NOSTRIN: variants seen among roughly 807,000 people sequenced by gnomAD.
NOSTRIN encodes the protein BM247 homolog.
Under a neutral mutation model 59.0 loss-of-function variants are expected in NOSTRIN, and 63 were observed. That is an observed-to-expected ratio of 1.07 (90% CI 0.87 to 1.32). The LOEUF is 1.32. Among genes scored for constraint, NOSTRIN ranks in the 40% most tolerant of loss-of-function variants. NOSTRIN has a pLI of 0.00. For synonymous variants in NOSTRIN, 200 were observed against 165.4 expected (o/e 1.21, Z -1.61); for missense variants, 512 against 473.1 (o/e 1.08, Z -0.76).
intron 13 of NOSTRIN, among the ~76,000 whole-genome samples, chr2:168,859,878 TTC>T (rs1439704120): frequency 6.6e-6 from 1 of 152,254 alleles, no homozygotes; most frequent in East Asian, 1.9e-4. Flanking sequence ...TTTTGATTTC[TTC>T]TTTCTCATCA....
intron 12 of NOSTRIN, among the ~76,000 whole-genome samples, chr2:168,856,998 GT>G (rs1375365043): frequency 6.6e-6 from 1 of 152,124 alleles, no homozygotes; most frequent in East Asian, 1.9e-4. Flanking sequence ...GAAAAGAATT[GT>G]GTCTAAAATA....
At chr2:168,832,689 A>G (rs2105658282) in intron 6 of NOSTRIN, among the ~76,000 whole-genome samples, 1 of 152,372 alleles carries the variant, frequency 6.6e-6, no homozygotes, top group Non-Finnish European at 1.5e-5. Flanking sequence ...CATGAGAATC[A>G]CTTTTATAAA....
chr2:168,842,743 T>C (rs553477268), intron 7 of NOSTRIN, among the ~76,000 whole-genome samples: 4 of 152,332 alleles, frequency 2.6e-5, no homozygotes, highest in Admixed American at 2.0e-4. Flanking sequence ...ACTTCCTATT[T>C]AAGGGTCTCA....
At chr2:168,793,727 C>T (rs1685414643), upstream of NOSTRIN, among the ~76,000 whole-genome samples, 1 of 152,224 alleles carries the variant, frequency 6.6e-6, no homozygotes, top group South Asian at 2.1e-4. Context: ...AAACATGGCA[C>T]TGGAGTCATC....
Position 168,828,217 on chromosome 2 carries a change from A to G in NOSTRIN, c.257A>G (p.His86Arg), listed in dbSNP as rs1559118036. 1.1e-6 allele frequency: 1 copy of G among 872,996 alleles called. No individual in the cohort carries two copies. The highest frequency in any genetic ancestry group is 2.0e-6 in the Non-Finnish European group (1 of 501,682). 54.1% of individuals were successfully genotyped at this position (872,996 alleles called of 1,614,324 possible). A position where few individuals can be genotyped will look rare whatever the true frequency, so the allele number is the denominator to read the frequency against. Residue 86 changes from histidine to arginine, a missense_variant, in exon 4 of 16, where the codon CAT (histidine) becomes CGT (arginine). Transcript: ENST00000317647. Reference sequence around the variant, plus strand: ...GGAATGAAATCCACAGCGGACCTGCATCAGTGAGTTCTCCCACCCTGGCCT... The same window carrying G: ...GGAATGAAATCCACAGCGGACCTGCGTCAGTGAGTTCTCCCACCCTGGCCT... ...SEGMKSTADL[H>R]QKLGKAIELE... is the part of the protein sequence containing the mutation.
At chr2:168,831,559 T>C (rs764988261) in intron 6 of NOSTRIN, 25 bp downstream of exon 6, 2 of 841,782 alleles carry the variant, frequency 2.4e-6, no homozygotes, top group Non-Finnish European at 4.2e-6. Flanking sequence ...ATACCATTTG[T>C]GTAAACTCAG....
intron 7 of NOSTRIN, among the ~76,000 whole-genome samples, chr2:168,835,247 T>C (rs998705933): frequency 6.6e-6 from 1 of 151,952 alleles, no homozygotes; most frequent in Admixed American, 6.6e-5. Context: ...GCTAATTTTT[T>C]TTTGCATTTT....
At chr2:168,850,802 T>C in intron 8 of NOSTRIN, 1 of 767,022 alleles carries the variant, frequency 1.3e-6, no homozygotes, top group Non-Finnish European at 2.2e-6. Flanking sequence ...AATGCTTCCT[T>C]TTCTTCTTTT....
intron 15 of NOSTRIN, among the ~76,000 whole-genome samples, chr2:168,864,228 C>A (rs144684462): frequency 5.9e-5 from 9 of 151,770 alleles, no homozygotes; most frequent in Non-Finnish European, 1.0e-4. Flanking sequence ...CTGCCCATCG[C>A]GGCCTCCCAA....
At chr2:168,834,739 C>A (rs1049309918) in intron 7 of NOSTRIN, among the ~76,000 whole-genome samples, 5 of 151,634 alleles carry the variant, frequency 3.3e-5, no homozygotes, top group African/African-American at 9.7e-5. Context: ...ACAAATGAGA[C>A]CAATGATGCC....
chr2:168,835,763 A>G (rs1380606128), intron 7 of NOSTRIN, among the ~76,000 whole-genome samples: 3 of 152,288 alleles, frequency 2.0e-5, no homozygotes, highest in South Asian at 4.1e-4. Context: ...AGAATCCACA[A>G]CTGTCCATGT....
intron 1 of NOSTRIN, among the ~76,000 whole-genome samples, chr2:168,804,190 C>T (rs1282604528): frequency 6.6e-6 from 1 of 152,182 alleles, no homozygotes; most frequent in Non-Finnish European, 1.5e-5. Context: ...GAAATGTTTT[C>T]TTTCAGCAGC....
upstream of NOSTRIN, chr2:168,802,582 C>T: frequency 1.2e-6 from 1 of 850,462 alleles, no homozygotes; most frequent in Non-Finnish European, 2.0e-6. Context: ...ACACACCCAA[C>T]CTTGATTACA....
intron 13 of NOSTRIN, among the ~76,000 whole-genome samples, chr2:168,860,500 G>A (rs1574342048): frequency 6.6e-6 from 1 of 152,018 alleles, no homozygotes; most frequent in Non-Finnish European, 1.5e-5. Context: ...GTGAAACCCC[G>A]TCTCTACTAA....
chr2:168,834,541 A>ACACACACCCC (rs58702721), intron 7 of NOSTRIN, among the ~76,000 whole-genome samples: 20 of 140,360 alleles, frequency 1.4e-4, no homozygotes, highest in Admixed American at 3.5e-4. Flanking sequence ...ACACACACAC[A>ACACACACCCC]CCACATACAT....
At chr2:168,804,204 C>A (rs1685731440) in intron 1 of NOSTRIN, among the ~76,000 whole-genome samples, 1 of 152,204 alleles carries the variant, frequency 6.6e-6, no homozygotes, top group Admixed American at 6.5e-5. Flanking sequence ...CAGCAGCCCC[C>A]AAGGCAACCC....
At chr2:168,826,328 T>G (rs1486911137) in intron 3 of NOSTRIN, among the ~76,000 whole-genome samples, 1 of 152,188 alleles carries the variant, frequency 6.6e-6, no homozygotes, top group East Asian at 1.9e-4. Context: ...AGTACAGTAT[T>G]TAACAGTAAA....
intron 7 of NOSTRIN, among the ~76,000 whole-genome samples, 174 bp downstream of exon 7, chr2:168,834,499 GCGCGCGCGCA>G (rs1208468614): frequency 1.7e-4 from 5 of 28,574 alleles, no homozygotes; most frequent in South Asian, 3.2e-3. Context: ...GTGCGCGCGC[GCGCGCGCGCA>G]CACACACACA....
chr2:168,844,645 C>T (rs964445959), intron 8 of NOSTRIN, among the ~76,000 whole-genome samples: 3 of 152,056 alleles, frequency 2.0e-5, no homozygotes, highest in Admixed American at 6.5e-5. Flanking sequence ...CAGAGGCGGG[C>T]GGATCAAGAG....
Sources: gnomAD v4.1 joint callset for allele counts (sites outside exome capture counted in the v4.1 genomes callset) on GRCh38, gnomAD v4.1.1 for gene constraint, MANE v1.5 for transcripts, NCBI Gene and HGNC (gene_info 2026-07-23, HGNC 2026-07-21) for gene names.